ZNF76: variants seen among roughly 807,000 people sequenced by gnomAD.
ZNF76 encodes the protein zinc finger protein 523.
In ZNF76, 66 loss-of-function variants were observed where a neutral mutation model predicts 66.9. That is an observed-to-expected ratio of 0.99 (90% CI 0.81 to 1.21). The LOEUF is 1.21. ZNF76 is among the 50% of genes most tolerant of loss of function. The pLI, the probability that ZNF76 is intolerant of heterozygous loss-of-function variation, is 0.00. For synonymous variants in ZNF76, 275 were observed against 296.1 expected (o/e 0.93, Z 0.73); for missense variants, 729 against 760.3 (o/e 0.96, Z 0.48).
intron 1 of ZNF76, among the ~76,000 whole-genome samples, chr6:35,260,382 A>G (rs901479369): frequency 2.0e-5 from 3 of 151,742 alleles, no homozygotes; most frequent in African/African-American, 4.8e-5. Context: ...CCCTACTCCA[A>G]TAGTTTTCCA....
chr6:35,261,031 A>G (rs1390696586), intron 1 of ZNF76, among the ~76,000 whole-genome samples: 1 of 152,206 alleles, frequency 6.6e-6, no homozygotes. Context: ...CATTGAGTTC[A>G]TAACAAACCT....
At position 35,290,646 on chromosome 6, in the gene ZNF76, T is replaced by G; in HGVS notation, c.555T>G (p.His185Gln). 6.2e-7 allele frequency: 1 copy of G among 1,614,220 alleles called. No homozygotes were observed. Among genetic ancestry groups the G allele is most frequent in the Non-Finnish European group, 8.5e-7 (1 of 1,180,046 alleles). The stretch of plus-strand genomic sequence containing the variant: ...GTGATTGCTTGTCCTCACAGGTGCA[T>G]GAACGAGCTCATACAGGTGACCGTC... ...LYTTAHHLKV[H>Q]ERAHTGDRPY... The change falls in exon 7 of 14, where the codon CAT (histidine) becomes CAG (glutamine). Residue 185 changes from histidine to glutamine, a missense_variant. His to Gln is a conservative substitution (Grantham distance 24, BLOSUM62 0). Coordinates refer to ENST00000373953, the MANE Select transcript of ZNF76 (RefSeq NM_003427.5).
chr6:35,266,589 GAGCCTAGGAAATGTCTACTC>G (rs914864466), intron 1 of ZNF76, among the ~76,000 whole-genome samples: 3 of 152,104 alleles, frequency 2.0e-5, no homozygotes, highest in South Asian at 2.1e-4. Context: ...AAGTCTTTTG[GAGCCTAGGAAATGTCTACTC>G]TCAGGAAATA....
chr6:35,280,266 C>G (rs1241991428), intron 1 of ZNF76, among the ~76,000 whole-genome samples: 2 of 152,120 alleles, frequency 1.3e-5, no homozygotes, highest in Admixed American at 6.5e-5. Context: ...GAGGCTGAGG[C>G]AGGAAGATCA....
At chr6:35,274,117 C>G (rs1787543325) in intron 1 of ZNF76, among the ~76,000 whole-genome samples, 1 of 152,188 alleles carries the variant, frequency 6.6e-6, no homozygotes, top group Non-Finnish European at 1.5e-5. Context: ...TCTTCATCAG[C>G]CTTCATCCCT....
rs756911169 is a variant in ZNF76 at position 35,290,353 on chromosome 6, C to T, written c.520C>T (p.Arg174Cys). 2.0e-5 allele frequency: 32 copies of T among 1,614,012 alleles called. 1 individual carries two copies. The highest frequency in any genetic ancestry group is 1.3e-4 in the Admixed American group (8 of 59,998). The change falls in exon 6 of 14, where the codon CGT becomes TGT. Residue 174 changes from arginine to cysteine, a missense_variant. Physicochemically the swap from Arg to Cys is radical, Grantham distance 180. Transcript: ENST00000373953. The stretch of plus-strand genomic sequence containing the variant: ...CCGCTGTGGCTACAAGGGCTGTGGG[C>T]GTCTCTACACCACCGCTCATCACTT... ...AFRCGYKGCGRLYTTAHHLKV... is the reference protein window; with the variant it reads ...AFRCGYKGCGCLYTTAHHLKV...
chr6:35,264,974 C>T (rs1785783555), intron 1 of ZNF76, among the ~76,000 whole-genome samples: 1 of 152,078 alleles, frequency 6.6e-6, no homozygotes, highest in Admixed American at 6.6e-5. Context: ...GGGTCTTCCC[C>T]TTCTTGCCTA....
chr6:35,284,253 G>C (rs1318380498), intron 2 of ZNF76, among the ~76,000 whole-genome samples: 1 of 145,932 alleles, frequency 6.9e-6, no homozygotes, highest in Non-Finnish European at 1.5e-5. Flanking sequence ...CATCACGCCT[G>C]GTTAATTTTT....
chr6:35,293,542 AT>A (rs1432958785), intron 11 of ZNF76, among the ~76,000 whole-genome samples: 1 of 152,198 alleles, frequency 6.6e-6, no homozygotes, highest in Non-Finnish European at 1.5e-5. Flanking sequence ...CAAAGTGGTG[AT>A]AAATAGAAGT....
rs114359168 is a variant in ZNF76, at chr6:35,293,680, A to G, written c.1330-71A>G. On this transcript the variant is annotated intron_variant, in intron 11 of 13. Transcript: ENST00000373953. ...GCTGACCTTGTCTGGGAGAGCAGGT[A>G]TATCTTCCTTAGGGACTTTCAGACA... 312 of 1,543,692 alleles carry G rather than the reference A, an allele frequency of 2.0e-4. No individual in the cohort carries two copies. In the African/African-American group the frequency reaches 2.8e-3, roughly 14 times the overall value.
intron 1 of ZNF76, among the ~76,000 whole-genome samples, chr6:35,276,987 C>T (rs1286316358): frequency 2.7e-5 from 4 of 145,758 alleles, no homozygotes; most frequent in South Asian, 2.2e-4. Flanking sequence ...TTAGCAGAGG[C>T]GGGGTTTCAC....
intron 1 of ZNF76, among the ~76,000 whole-genome samples, chr6:35,260,796 A>T (rs1452688785): frequency 6.6e-6 from 1 of 152,188 alleles, no homozygotes. Flanking sequence ...TTGTGAAATT[A>T]TGCAGTTCTC....
intron 1 of ZNF76, among the ~76,000 whole-genome samples, chr6:35,267,139 G>C (rs1039551695): frequency 7.9e-5 from 12 of 151,864 alleles, no homozygotes; most frequent in Non-Finnish European, 1.5e-4. Context: ...CTGTCACCCA[G>C]GCTGGAGTGC....
intron 1 of ZNF76, among the ~76,000 whole-genome samples, chr6:35,276,791 G>GTTTTTTTTTTTTTTTTTTTTTTTTTGGT (rs10571257): frequency 1.0e-5 from 1 of 97,068 alleles, no homozygotes; most frequent in African/African-American, 4.0e-5. Flanking sequence ...TTATTTATGG[G>GTTTTTTTTTTTTTTTTTTTTTTTTTGGT]TTTTTTTTTT....
intron 1 of ZNF76, among the ~76,000 whole-genome samples, chr6:35,261,709 C>G (rs377133740): frequency 6.6e-6 from 1 of 152,138 alleles, no homozygotes; most frequent in Admixed American, 6.5e-5. Flanking sequence ...TCAGCTCGTT[C>G]CTTGATCCCT....
chr6:35,290,470 C>T (rs1790218151), intron 6 of ZNF76, 88 bp downstream of exon 6: 1 of 1,577,208 alleles, frequency 6.3e-7, no homozygotes. Context: ...GAATTGGTCC[C>T]TGCCCTCACG....
intron 13 of ZNF76, chr6:35,294,867 G>A (rs766941100): frequency 5.3e-6 from 3 of 571,032 alleles, no homozygotes; most frequent in South Asian, 2.0e-5. Flanking sequence ...GGAGGCTGAC[G>A]TAGATGATCA....
Position 35,290,651 on chromosome 6 carries a change from G to T in ZNF76, c.560G>T (p.Arg187Leu), listed in dbSNP as rs772494229. 6.2e-6 allele frequency: 10 copies of T among 1,614,166 alleles called. No individual in the cohort carries two copies. Among genetic ancestry groups the T allele is most frequent in the Non-Finnish European group, 3.4e-6 (4 of 1,180,014 alleles). ...TGCTTGTCCTCACAGGTGCATGAAC[G>T]AGCTCATACAGGTGACCGTCCATAC... ...TTAHHLKVHERAHTGDRPYRC... is the reference protein window; with the variant it reads ...TTAHHLKVHELAHTGDRPYRC... Residue 187 changes from arginine to leucine, a missense_variant, in exon 7 of 14, where the codon CGA (arginine) becomes CTA (leucine). By Grantham distance (102) the Arg-to-Leu change is moderately radical (BLOSUM62 -2). Transcript: ENST00000373953.
At chr6:35,289,053 A>T (rs1357868949) in intron 5 of ZNF76, among the ~76,000 whole-genome samples, 1 of 151,754 alleles carries the variant, frequency 6.6e-6, no homozygotes, top group Non-Finnish European at 1.5e-5. Flanking sequence ...TTGAGACTCG[A>T]TGTTGATGTA....
Sources: allele counts gnomAD v4.1 joint callset (sites outside exome capture counted in the v4.1 genomes callset), GRCh38; gene constraint gnomAD v4.1.1; transcripts MANE v1.5; gene names NCBI Gene and HGNC (gene_info 2026-07-23, HGNC 2026-07-21).